Variants in NUP205 observed in about 807,000 individuals in gnomAD.
The protein encoded by NUP205 is nucleoporin 205, also known as nuclear pore complex protein Nup205.
NUP205 carries 76 observed loss-of-function variants against 253.8 expected under a neutral mutation model. The ratio of observed to expected loss-of-function variants is 0.30; its 90% CI spans 0.25 to 0.36. NUP205 has a LOEUF of 0.36. Ranked by LOEUF, NUP205 falls within the 10% of genes least tolerant of loss-of-function variation. The probability of loss-of-function intolerance (pLI) is 1.00; values close to 1 mark genes in which losing one functional copy is unlikely to be tolerated. For missense variants in NUP205, 2,162 were observed against 2,425.5 expected (o/e 0.89, Z 2.28); for synonymous variants, 832 against 850.1 (o/e 0.98, Z 0.37).
Position 135,593,174 on chromosome 7 carries a change from G to C in NUP205, c.1812G>C (p.Thr604=). The C allele has an allele frequency of 6.2e-7, 1 of 1,614,000 alleles. No individual in the cohort carries two copies. The highest frequency in any genetic ancestry group is 1.1e-5 in the South Asian group (1 of 91,074). The change falls in exon 12 of 43, where the codon ACG becomes ACC. Residue 604 remains threonine (T), a synonymous_variant. Coordinates refer to ENST00000285968, the MANE Select transcript of NUP205 (RefSeq NM_015135.3). ...QDGLIAFLQL[T]STIITWSENA... is the part of the protein sequence containing the mutation. ...GATTGATTGCTTTTTTGCAGCTCAC[G>C]TCTACCATCATTACTTGGGTAGGTA...
Position 135,577,969 on chromosome 7 carries a change from G to A in NUP205, c.822G>A (p.Ala274=), listed in dbSNP as rs1156795842. The change falls in exon 6 of 43, where the codon GCG becomes GCA. Residue 274 remains alanine, a synonymous_variant. Transcript: ENST00000285968. ...CAGTGAATCTGGCTCTTCTTATGGC[G>A]CTTCTATACTGTTTTGATATCAGTT... ...LDAVNLALLM[A]LLYCFDISFI... is the part of the protein sequence containing the mutation. 9 of 1,613,808 alleles carry A rather than the reference G, an allele frequency of 5.6e-6. No homozygotes were observed. In the African/African-American group the frequency reaches 6.7e-5, roughly 12 times the overall value.
At position 135,606,883 on chromosome 7, in the gene NUP205, A is replaced by G. The variant is rs1380268175; in HGVS notation, c.3038A>G (p.Lys1013Arg). The change falls in exon 21 of 43, where the codon AAA becomes AGA. Residue 1013 changes from lysine to arginine, a missense_variant. Lys to Arg is a conservative substitution (Grantham distance 26, BLOSUM62 2). This residue lies in a region of NUP205 where 1,144 missense variants were observed against 1,280.9 expected (regional missense o/e 0.89). Transcript: ENST00000285968. The stretch of plus-strand genomic sequence containing the variant: ...TACCTGTTGGGCTTTGAATTGAAAA[A>G]ACCTGTCAGTACTACAAACCTACAA... ...ALYLLGFELK[K>R]PVSTTNLQDP... is the part of the protein sequence containing the mutation. The G allele has an allele frequency of 6.2e-7, 1 of 1,613,920 alleles. No homozygotes were observed. The highest frequency in any genetic ancestry group is 2.2e-5 in the East Asian group (1 of 44,866).
intron 1 of NUP205, among the ~76,000 whole-genome samples, chr7:135,570,711 T>C (rs1175334291): frequency 9.1e-6 from 1 of 109,874 alleles, no homozygotes; most frequent in African/African-American, 3.7e-5. Flanking sequence ...ATTATATTAA[T>C]ATAATTAATT....
chr7:135,647,773 T>A (rs1795037391), intron 42 of NUP205, among the ~76,000 whole-genome samples: 1 of 151,884 alleles, frequency 6.6e-6, no homozygotes, highest in Non-Finnish European at 1.5e-5. Context: ...TGTGTTGTGA[T>A]TTTAATGCAA....
chr7:135,566,974 C>T (rs1387265066), intron 1 of NUP205, among the ~76,000 whole-genome samples: 1 of 150,942 alleles, frequency 6.6e-6, no homozygotes, highest in Non-Finnish European at 1.5e-5. Context: ...CTCCTGACCT[C>T]GTGATCGGCC....
chr7:135,615,726 TA>T (rs1356510785), intron 23 of NUP205, among the ~76,000 whole-genome samples, 189 bp from the exon 24 acceptor site: 2 of 152,218 alleles, frequency 1.3e-5, no homozygotes, highest in Admixed American at 6.5e-5. Context: ...TATACTAGCT[TA>T]TTTTTTTCTT....
rs1320799752 is a variant in NUP205 at position 135,622,884 on chromosome 7, G to A, written c.4438G>A (p.Val1480Met). 1 of 1,614,172 alleles carries A rather than the reference G, an allele frequency of 6.2e-7. No homozygotes were observed. Among genetic ancestry groups the A allele is most frequent in the South Asian group, 1.1e-5 (1 of 91,082 alleles). The change falls in exon 31 of 43, where the codon GTG becomes ATG. Residue 1480 changes from valine to methionine, a missense_variant. Val to Met is a conservative substitution (Grantham distance 21). Around this residue, in one of 5 missense-constraint regions of NUP205, gnomAD observed 1,144 missense variants for 1,280.9 expected, o/e 0.89. Transcript: ENST00000285968. ...AAGTTATGGCGCCGCCCTCATGGAA[G>A]TGGTCTGTCGAGATGCTTGTGATGG... ...IESYGAALME[V>M]VCRDACDGHE...
chr7:135,637,302 T>A (rs894635484), intron 36 of NUP205, among the ~76,000 whole-genome samples: 2 of 152,190 alleles, frequency 1.3e-5, no homozygotes, highest in Non-Finnish European at 2.9e-5. Flanking sequence ...GGAACCCATG[T>A]CTCTAATTTG....
intron 2 of NUP205, among the ~76,000 whole-genome samples, chr7:135,573,251 TTA>T (rs1264339549): frequency 9.8e-5 from 15 of 152,352 alleles, no homozygotes; most frequent in Admixed American, 9.8e-4. Flanking sequence ...AGACTACATT[TTA>T]TATAACATTA....
intron 38 of NUP205, among the ~76,000 whole-genome samples, chr7:135,640,589 T>C (rs1794900462): frequency 6.6e-6 from 1 of 152,192 alleles, no homozygotes; most frequent in East Asian, 1.9e-4. Context: ...TCTGCTTCTG[T>C]TTGTATTATG....
rs921773282 is a variant in NUP205 at position 135,577,992 on chromosome 7, G to A, written c.845G>A (p.Ser282Asn). Reference protein sequence around the residue: ...LMALLYCFDISFIEQSTEERD... With the variant: ...LMALLYCFDINFIEQSTEERD... ...GCGCTTCTATACTGTTTTGATATCAGTTTTATAGAGCAAAGCACAGAGGAA... is the reference window on the plus strand; with the variant it reads ...GCGCTTCTATACTGTTTTGATATCAATTTTATAGAGCAAAGCACAGAGGAA... Residue 282 changes from serine to asparagine, a missense_variant, in exon 6 of 43, where the codon AGT (serine) becomes AAT (asparagine). This residue lies in a region of NUP205 where 892 missense variants were observed against 957.1 expected (regional missense o/e 0.93). Transcript: ENST00000285968. 6.2e-7 allele frequency: 1 copy of A among 1,613,548 alleles called. No individual in the cohort carries two copies. The highest frequency in any genetic ancestry group is 1.3e-5 in the African/African-American group (1 of 74,848).
At chr7:135,562,195 A>T (rs1177749238) in intron 1 of NUP205, among the ~76,000 whole-genome samples, 1 of 152,022 alleles carries the variant, frequency 6.6e-6, no homozygotes, top group East Asian at 1.9e-4. Context: ...GTTCCTTTTT[A>T]AAAAATTATT....
intron 30 of NUP205, 88 bp from the exon 31 acceptor site, chr7:135,622,688 CT>C: frequency 8.4e-7 from 1 of 1,196,062 alleles, no homozygotes; most frequent in Non-Finnish European, 1.2e-6. Flanking sequence ...TTTTTTCTTC[CT>C]TAGCTCATAC....
At chr7:135,619,752 G>C (rs1297785991) in intron 29 of NUP205, 38 bp from the exon 30 acceptor site, 1 of 1,596,138 alleles carries the variant, frequency 6.3e-7, no homozygotes, top group Non-Finnish European at 8.5e-7. Flanking sequence ...CTTTAATTGA[G>C]AAAAGATTTT....
Position 135,617,713 on chromosome 7 carries a change from A to G in NUP205, c.3771+31A>G, listed in dbSNP as rs906286480. On this transcript the variant is annotated intron_variant, in intron 27 of 42. Transcript: ENST00000285968. ...CTCTATTGAGTATGTGTTCGTTTCA[A>G]ACTTCTAACTACTTAGGTTGCTGGT... 6.5e-6 allele frequency: 9 copies of G among 1,376,220 alleles called. No individual in the cohort carries two copies. The East Asian group carries it at 9.2e-5, about 14-fold the overall frequency. 85.3% of individuals were successfully genotyped at this position (1,376,220 alleles called of 1,614,324 possible).
At position 135,646,044 on chromosome 7, in the gene NUP205, C is replaced by G. The variant is rs1240375376; in HGVS notation, c.5813-114C>G. The G allele has an allele frequency of 2.8e-6, 2 of 716,530 alleles. 1 individual carries two copies. The highest frequency in any genetic ancestry group is 5.0e-5 in the Admixed American group (2 of 40,242). 44.4% of individuals were successfully genotyped at this position (716,530 alleles called of 1,614,324 possible). On this transcript the variant is annotated intron_variant, in intron 41 of 42. Transcript: ENST00000285968. ...AAAAGTTGAAAATTGAGTTCCCAAT[C>G]TTGAGCCGTGTTTTTCATGGTGCTA...
At position 135,584,829 on chromosome 7, in the gene NUP205, T is replaced by G; in HGVS notation, c.1043-3T>G. On this transcript the variant is annotated splice_region_variant and splice_polypyrimidine_tract_variant and intron_variant, in intron 7 of 42. Transcript: ENST00000285968. ...TGTACTGTGTTTTAAAATCTGTTTC[T>G]AGCTCTGGCAGAATTCACAGAGGCA... The G allele has an allele frequency of 6.2e-7, 1 of 1,613,878 alleles. No homozygotes were observed. Among genetic ancestry groups the G allele is most frequent in the Non-Finnish European group, 8.5e-7 (1 of 1,179,824 alleles).
chr7:135,579,471 A>G (rs188167660), intron 7 of NUP205, among the ~76,000 whole-genome samples: 28 of 151,940 alleles, frequency 1.8e-4, no homozygotes, highest in Middle Eastern at 6.8e-3. Flanking sequence ...TGGGATTGCA[A>G]CACGTGAGCC....
chr7:135,582,919 T>G (rs915440854), intron 7 of NUP205, among the ~76,000 whole-genome samples: 1 of 151,954 alleles, frequency 6.6e-6, no homozygotes, highest in African/African-American at 2.4e-5. Context: ...TGAGACCCCA[T>G]CTCTACTAAA....
Sources: allele counts gnomAD v4.1 joint callset (sites outside exome capture counted in the v4.1 genomes callset), GRCh38; gene constraint gnomAD v4.1.1; regional missense constraint gnomAD v4.1.1; transcripts MANE v1.5; gene names NCBI Gene and HGNC (gene_info 2026-07-23, HGNC 2026-07-21).